Variants in PRDM16 observed in about 807,000 individuals in gnomAD.
PRDM16 encodes the protein histone-lysine N-methyltransferase PRDM16.
Under a neutral mutation model 110.6 loss-of-function variants are expected in PRDM16, and 23 were observed. The observed-to-expected ratio is 0.21, with a 90% CI of 0.15 to 0.29. The LOEUF (loss-of-function observed/expected upper bound fraction) is 0.29, where lower values mean the gene tolerates loss of function less well. Ranked by LOEUF, PRDM16 falls within the 10% of genes least tolerant of loss-of-function variation. The pLI, the probability that PRDM16 is intolerant of heterozygous loss-of-function variation, is 1.00. For synonymous variants in PRDM16, 799 were observed against 781.8 expected (o/e 1.02, Z -0.37); for missense variants, 1,615 against 1,794.3 (o/e 0.90, Z 1.81).
In PRDM16 at chr1:3,243,724, CT is replaced by C. The variant is rs1284518194; in HGVS notation, c.388-362del. On this transcript the variant is annotated intron_variant, in intron 2 of 16. Coordinates refer to ENST00000270722, the MANE Select transcript of PRDM16 (RefSeq NM_022114.4). The surrounding 1 kb of genome is among the most constrained non-coding windows in gnomAD (Gnocchi z 5.5). Reference sequence around the variant, plus strand: ...CACCATCCAGGGTGTCCATGCGCTCCTCCCAGATGGTTCTCATAAATAATAT... The same window carrying C: ...CACCATCCAGGGTGTCCATGCGCTCCCCCAGATGGTTCTCATAAATAATAT... 6.6e-6 allele frequency among the ~76,000 whole-genome samples: 1 copy of C among 152,244 alleles called. No individual in the cohort carries two copies. Among genetic ancestry groups the C allele is most frequent in the African/African-American group, 2.4e-5 (1 of 41,458 alleles).
At chr1:3,369,513 C>CTGA (rs58880425) in intron 3 of PRDM16, among the ~76,000 whole-genome samples, 6,194 of 152,332 alleles carry the variant, frequency 0.041, 407 homozygotes, top group African/African-American at 0.14. Flanking sequence ...TCTTCCACAT[C>CTGA]CGCTGGGCAG....
intron 8 of PRDM16, among the ~76,000 whole-genome samples, chr1:3,408,732 G>A (rs983049584): frequency 1.5e-4 from 22 of 145,798 alleles, no homozygotes; most frequent in Non-Finnish European, 2.1e-4. Context: ...GAGTGTGGGC[G>A]CGTGAGCCGG....
In PRDM16 at chr1:3,081,837, A is replaced by G. The variant is rs1286213573; in HGVS notation, c.37+12541A>G. On this transcript the variant is annotated intron_variant, in intron 1 of 16. Transcript: ENST00000270722. The surrounding 1 kb of genome is among the most constrained non-coding windows in gnomAD (Gnocchi z 4.6). ...AGACCACCTCCTTGCTGCCCTGACT[A>G]AACACCAGCTTTGCAAAAGCAAGAC... 6.6e-6 allele frequency among the ~76,000 whole-genome samples: 1 copy of G among 152,038 alleles called. No homozygotes were observed. Among genetic ancestry groups the G allele is most frequent in the African/African-American group, 2.4e-5 (1 of 41,426 alleles).
At position 3,246,075 on chromosome 1, in the gene PRDM16, C is replaced by T. The variant is rs1276824265; in HGVS notation, c.438+1938C>T. Among the ~76,000 whole-genome samples, 1 of 152,044 alleles carries T rather than the reference C, an allele frequency of 6.6e-6. No homozygotes were observed. The highest frequency in any genetic ancestry group is 1.5e-5 in the Non-Finnish European group (1 of 68,002). On this transcript the variant is annotated intron_variant, in intron 3 of 16. Coordinates refer to ENST00000270722, the MANE Select transcript of PRDM16 (RefSeq NM_022114.4). The surrounding 1 kb of genome is among the most constrained non-coding windows in gnomAD (Gnocchi z 5.2). ...AAGGTCAAGTCTAGATTTAAAGGGC[C>T]CGGGGGAGGCAAGTGCTGGCTGCTT...
chr1:3,078,465 G>A (rs996215709), intron 1 of PRDM16, among the ~76,000 whole-genome samples: 6 of 152,192 alleles, frequency 3.9e-5, no homozygotes, highest in Non-Finnish European at 8.8e-5. Context: ...CCCAACCCCC[G>A]CCGCTCTAGA....
intron 3 of PRDM16, among the ~76,000 whole-genome samples, chr1:3,343,299 T>A (rs904808794): frequency 1.2e-4 from 16 of 137,272 alleles, no homozygotes; most frequent in Admixed American, 1.1e-3. Flanking sequence ...GTTCAAGCCT[T>A]TTGTCCATTT....
At chr1:3,227,751 C>T (rs1639323090) in intron 2 of PRDM16, among the ~76,000 whole-genome samples, 1 of 150,112 alleles carries the variant, frequency 6.7e-6, no homozygotes, top group Non-Finnish European at 1.5e-5. Context: ...CTTCAAATAT[C>T]AGAAGAAAGA....
chr1:3,365,645 T>TGCA (rs1642796209), intron 3 of PRDM16, among the ~76,000 whole-genome samples: 1 of 152,224 alleles, frequency 6.6e-6, no homozygotes, highest in South Asian at 2.1e-4. Flanking sequence ...GAATGTTAGC[T>TGCA]GCAGGCAGAG....
intron 2 of PRDM16, among the ~76,000 whole-genome samples, chr1:3,196,347 A>G (rs1285375328): frequency 6.6e-6 from 1 of 152,252 alleles, no homozygotes; most frequent in Non-Finnish European, 1.5e-5. Flanking sequence ...ACTTCACTAC[A>G]GCCGATGGCC....
chr1:3,327,610 T>C (rs1641944952), intron 3 of PRDM16, among the ~76,000 whole-genome samples: 1 of 152,344 alleles, frequency 6.6e-6, no homozygotes, highest in South Asian at 2.1e-4. Flanking sequence ...GCCCATGACA[T>C]CTGGGCCAGA....
chr1:3,398,751 G>A (rs1013641961), intron 5 of PRDM16, among the ~76,000 whole-genome samples: 4 of 152,254 alleles, frequency 2.6e-5, no homozygotes, highest in African/African-American at 9.6e-5. Context: ...AGGTCACCAC[G>A]GCGTTGGCTT....
chr1:3,080,392 C>T lies in PRDM16; in HGVS notation c.37+11096C>T, dbSNP rs187556353. Among the ~76,000 whole-genome samples, 10 of 152,296 alleles carry T rather than the reference C, an allele frequency of 6.6e-5. No individual in the cohort carries two copies. Among genetic ancestry groups the T allele is most frequent in the African/African-American group, 2.2e-4 (9 of 41,566 alleles). ...GGATTTACGGCCGACCCGCGCTTTC[C>T]GATCGGTTTCTCTACCCCGGCCCAT... is the stretch of plus-strand genomic sequence containing the variant. On this transcript the variant is annotated intron_variant, in intron 1 of 16. Coordinates refer to ENST00000270722, the MANE Select transcript of PRDM16 (RefSeq NM_022114.4). This position sits in a 1 kb window ranked among gnomAD's most constrained non-coding sequence, Gnocchi z 5.2.
chr1:3,286,301 A>AG (rs920927378), intron 3 of PRDM16, among the ~76,000 whole-genome samples: 3 of 152,216 alleles, frequency 2.0e-5, no homozygotes, highest in Non-Finnish European at 2.9e-5. Flanking sequence ...TTGCGGACCA[A>AG]GGGGGGCCGC....
intron 3 of PRDM16, among the ~76,000 whole-genome samples, chr1:3,253,558 A>G (rs1160431026): frequency 6.6e-6 from 1 of 151,760 alleles, no homozygotes; most frequent in Non-Finnish European, 1.5e-5. Flanking sequence ...TTATGGCTGC[A>G]TAGTATTCCA....
At chr1:3,342,276 C>G (rs988851599) in intron 3 of PRDM16, among the ~76,000 whole-genome samples, 1 of 152,256 alleles carries the variant, frequency 6.6e-6, no homozygotes, top group African/African-American at 2.4e-5. Context: ...CAAAACACTT[C>G]AAGTTATTTG....
chr1:3,335,459 A>G (rs1273892381), intron 3 of PRDM16, among the ~76,000 whole-genome samples: 1 of 152,186 alleles, frequency 6.6e-6, no homozygotes. Flanking sequence ...AGCACGTCGC[A>G]TGTCCGAAAG....
intron 2 of PRDM16, among the ~76,000 whole-genome samples, chr1:3,205,755 G>T (rs1219450113): frequency 6.6e-6 from 1 of 152,126 alleles, no homozygotes; most frequent in Admixed American, 6.5e-5. Flanking sequence ...CAGTCCAGGG[G>T]CAAGGCTAGA....
intron 8 of PRDM16, among the ~76,000 whole-genome samples, chr1:3,410,889 A>G (rs1215961449): frequency 6.6e-6 from 1 of 152,134 alleles, no homozygotes; most frequent in African/African-American, 2.4e-5. Context: ...ACTTCTGAAA[A>G]TCTTGGCTCC....
At chr1:3,285,421 C>T (rs1640822793) in intron 3 of PRDM16, among the ~76,000 whole-genome samples, 1 of 152,236 alleles carries the variant, frequency 6.6e-6, no homozygotes, top group Non-Finnish European at 1.5e-5. Context: ...TGCTGCAAAG[C>T]ATTCCCAGGC....
Sources: allele counts gnomAD v4.1 joint callset (sites outside exome capture counted in the v4.1 genomes callset), GRCh38; gene constraint gnomAD v4.1.1; non-coding constraint Gnocchi (gnomAD v3.1); transcripts MANE v1.5; gene names NCBI Gene and HGNC (gene_info 2026-07-23, HGNC 2026-07-21).